DACH1: variants seen among roughly 807,000 people sequenced by gnomAD.
The protein encoded by DACH1 is dachshund homolog 1.
DACH1 carries 12 observed loss-of-function variants against 54.2 expected under a neutral mutation model. The ratio of observed to expected loss-of-function variants is 0.22; its 90% CI spans 0.14 to 0.36. The LOEUF (loss-of-function observed/expected upper bound fraction) is 0.36. DACH1 is among the 10% of genes least tolerant of loss of function. The pLI, the probability that DACH1 is intolerant of heterozygous loss-of-function variation, is 1.00. For missense variants in DACH1, 805 were observed against 929.8 expected (o/e 0.87, Z 1.75); for synonymous variants, 386 against 366.2 (o/e 1.05, Z -0.62).
chr13:71,629,063 A>G (rs1479947972), intron 3 of DACH1, among the ~76,000 whole-genome samples: 1 of 152,126 alleles, frequency 6.6e-6, no homozygotes, highest in Non-Finnish European at 1.5e-5. Context: ...AAAAGTGTCC[A>G]ACAGTGCCCC....
chr13:71,460,771 T>G (rs1876000869), intron 10 of DACH1, among the ~76,000 whole-genome samples: 1 of 152,030 alleles, frequency 6.6e-6, no homozygotes, highest in East Asian at 1.9e-4. Flanking sequence ...TGAAACAACA[T>G]GGAGAAAAAG....
intron 1 of DACH1, among the ~76,000 whole-genome samples, chr13:71,734,884 C>T (rs535091488): frequency 3.4e-5 from 5 of 146,108 alleles, no homozygotes; most frequent in African/African-American, 1.3e-4. Flanking sequence ...TATACATATA[C>T]GTATATCCCA....
At chr13:71,792,339 TACACACAC>T (rs140037316) in intron 1 of DACH1, among the ~76,000 whole-genome samples, 62,267 of 148,368 alleles carry the variant, frequency 0.42, 13,340 homozygotes, top group East Asian at 0.74. Flanking sequence ...AAGTGTTTTG[TACACACAC>T]ACACACACAC....
At chr13:71,505,214 C>G (rs1302711268) in intron 6 of DACH1, among the ~76,000 whole-genome samples, 2 of 151,972 alleles carry the variant, frequency 1.3e-5, no homozygotes, top group Admixed American at 6.6e-5. Flanking sequence ...TCCCAAGTAG[C>G]TGGAATTACA....
Position 71,609,855 on chromosome 13 carries a change from TA to T in DACH1, c.1126+20700del, listed in dbSNP as rs1377919265. Among the ~76,000 whole-genome samples, 29 of 152,214 alleles carry T rather than the reference TA, an allele frequency of 1.9e-4. No homozygotes were observed. The East Asian group carries it at 5.4e-3, about 28-fold the overall frequency. On this transcript the variant is annotated intron_variant, in intron 3 of 10. Coordinates refer to ENST00000613252, the MANE Select transcript of DACH1 (RefSeq NM_080759.6). Reference sequence around the variant, plus strand: ...AGTTGACTTTTTATCTTGATAAATATAAAAAATTTTATTATTAAAAACCCAT... The same window carrying T: ...AGTTGACTTTTTATCTTGATAAATATAAAAATTTTATTATTAAAAACCCAT...
chr13:71,665,370 C>T (rs1345560756), intron 2 of DACH1, among the ~76,000 whole-genome samples: 2 of 151,942 alleles, frequency 1.3e-5, no homozygotes, highest in African/African-American at 4.8e-5. Flanking sequence ...TATCATTTTG[C>T]TACCCCCATA....
rs189413979 is a variant in DACH1 at position 71,707,212 on chromosome 13, A to C, written c.849-25302T>G. Among the ~76,000 whole-genome samples the C allele has an allele frequency of 1.7e-3, 266 of 152,292 alleles. 1 individual carries two copies. Among genetic ancestry groups the C allele is most frequent in the East Asian group, 0.014 (74 of 5,180 alleles). ...ATGCTGTGTAAATGCAACATAATAA[A>C]GATGTGAACTACATGCTATGGGAGC... is the stretch of plus-strand genomic sequence containing the variant. On this transcript the variant is annotated intron_variant, in intron 1 of 10. Transcript: ENST00000613252.
At chr13:71,571,609 G>A (rs1410238610) in intron 4 of DACH1, among the ~76,000 whole-genome samples, 3 of 151,666 alleles carry the variant, frequency 2.0e-5, no homozygotes, top group African/African-American at 7.3e-5. Flanking sequence ...TTTTCCTCTG[G>A]TATTGATACT....
chr13:71,855,988 A>T (rs1362714652), intron 1 of DACH1, among the ~76,000 whole-genome samples: 1 of 151,958 alleles, frequency 6.6e-6, no homozygotes, highest in Non-Finnish European at 1.5e-5. Flanking sequence ...ATTTTGTTTT[A>T]AAAAGTAACA....
At chr13:71,593,669 T>C (rs1246844441) in intron 3 of DACH1, among the ~76,000 whole-genome samples, 4 of 152,002 alleles carry the variant, frequency 2.6e-5, no homozygotes, top group African/African-American at 9.7e-5. Context: ...AAAAAGAAAA[T>C]AGCAAGATTA....
At chr13:71,472,803 T>G (rs1326829497) in intron 10 of DACH1, among the ~76,000 whole-genome samples, 5 of 152,214 alleles carry the variant, frequency 3.3e-5, no homozygotes, top group African/African-American at 4.8e-5. Context: ...GTTCTTTCTT[T>G]TTTGCCTTTC....
intron 6 of DACH1, among the ~76,000 whole-genome samples, chr13:71,509,289 G>A (rs1880575824): frequency 6.6e-6 from 1 of 152,024 alleles, no homozygotes; most frequent in African/African-American, 2.4e-5. Flanking sequence ...AATGTGCTAG[G>A]TACAGTGAAA....
chr13:71,463,949 G>T (rs188417572), intron 10 of DACH1, among the ~76,000 whole-genome samples: 1 of 151,910 alleles, frequency 6.6e-6, no homozygotes, highest in Non-Finnish European at 1.5e-5. Flanking sequence ...CTTAGTTTGT[G>T]AGAGGAGAAA....
chr13:71,524,351 T>G (rs1881808188), intron 6 of DACH1, among the ~76,000 whole-genome samples: 1 of 152,292 alleles, frequency 6.6e-6, no homozygotes, highest in African/African-American at 2.4e-5. Context: ...AATTTATGGA[T>G]ATTTCAATTA....
rs748220971 is a variant in DACH1 at position 71,866,647 on chromosome 13, A to G, written c.123T>C (p.Ala41=). The G allele has an allele frequency of 4.2e-6, 6 of 1,426,270 alleles. No homozygotes were observed. In the Admixed American group the frequency reaches 1.4e-4, roughly 33 times the overall value. The allele number at this position is 1,426,270 out of a possible 1,614,324, so 88.4% of individuals were successfully genotyped here. A position where few individuals can be genotyped will look rare whatever the true frequency, so the allele number is the denominator to read the frequency against. Residue 41 remains alanine (A), a synonymous_variant, in exon 1 of 11, where the codon GCT becomes GCC. Transcript: ENST00000613252. Reference sequence around the variant, plus strand: ...AGGACGCCGGGGGTCCGATGGAAGGAGCCGGAGACGAAGTCGCCGAAGAGG... The same window carrying G: ...AGGACGCCGGGGGTCCGATGGAAGGGGCCGGAGACGAAGTCGCCGAAGAGG... ...TSTSSATSSP[A]PSIGPPASSG... is the part of the protein sequence containing the mutation.
chr13:71,844,958 A>G (rs1482454445), intron 1 of DACH1, among the ~76,000 whole-genome samples: 1 of 152,176 alleles, frequency 6.6e-6, no homozygotes, highest in African/African-American at 2.4e-5. Flanking sequence ...AAGGCTGGGA[A>G]GGGCAGGAGA....
chr13:71,780,533 G>C (rs770720793), intron 1 of DACH1, among the ~76,000 whole-genome samples: 78 of 151,758 alleles, frequency 5.1e-4, no homozygotes, highest in Admixed American at 1.5e-3. Flanking sequence ...GCTACAAGTT[G>C]ATAGAATTAT....
At chr13:71,693,365 T>G (rs1187619975) in intron 1 of DACH1, among the ~76,000 whole-genome samples, 1 of 143,348 alleles carries the variant, frequency 7.0e-6, no homozygotes, top group Admixed American at 7.0e-5. Context: ...TGCAGTGGTG[T>G]GATCTCGGCT....
chr13:71,624,738 C>T (rs971387593), intron 3 of DACH1, among the ~76,000 whole-genome samples: 1 of 151,900 alleles, frequency 6.6e-6, no homozygotes, highest in African/African-American at 2.4e-5. Flanking sequence ...TTTCACCCTC[C>T]GATTTGGAAT....
Sources: allele counts gnomAD v4.1 joint callset (sites outside exome capture counted in the v4.1 genomes callset), GRCh38; gene constraint gnomAD v4.1.1; transcripts MANE v1.5; gene names NCBI Gene and HGNC (gene_info 2026-07-23, HGNC 2026-07-21).